The following ITSN1 variants were observed in gnomAD, a reference collection of about 807,000 sequenced individuals.
ITSN1 encodes the protein intersectin 1, also known as intersectin-1.
In ITSN1, 58 loss-of-function variants were observed where a neutral mutation model predicts 239.8. The ratio of observed to expected loss-of-function variants is 0.24; its 90% CI spans 0.20 to 0.30. The LOEUF (loss-of-function observed/expected upper bound fraction) is 0.30, where lower values mean the gene tolerates loss of function less well. Ranked by LOEUF, ITSN1 falls within the 10% of genes least tolerant of loss-of-function variation. ITSN1 has a pLI of 1.00. For missense variants in ITSN1, 1,558 were observed against 2,103.3 expected (o/e 0.74, Z 5.07); for synonymous variants, 780 against 770.8 (o/e 1.01, Z -0.20).
At position 33,823,620 on chromosome 21, in the gene ITSN1, C is replaced by T. The variant is rs768796242; in HGVS notation, c.3150C>T (p.Phe1050=). 3.7e-6 allele frequency: 6 copies of T among 1,614,110 alleles called. No individual in the cohort carries two copies. The East Asian group carries it at 1.3e-4, about 36-fold the overall frequency. ...TGTVGDKAGV[F]PSNYVRLKDS... ...CAGTGGGCGACAAGGCCGGAGTCTT[C>T]CCTTCTAACTATGTGAGGCTTAAAG... The change falls in exon 25 of 40, where the codon TTC becomes TTT. Residue 1050 remains phenylalanine (F), a synonymous_variant. Coordinates refer to ENST00000381318, the MANE Select transcript of ITSN1 (RefSeq NM_003024.3).
rs1231890672 is a variant in ITSN1 at position 33,799,885 on chromosome 21, A to G, written c.2260A>G (p.Arg754Gly). Residue 754 changes from arginine (R) to glycine (G), a missense_variant, in exon 19 of 40, where the codon AGA becomes GGA. By Grantham distance (125) the Arg-to-Gly change is moderately radical. Around this residue, in one of 2 missense-constraint regions of ITSN1, gnomAD observed 982 missense variants for 1,209.9 expected, o/e 0.81. Transcript: ENST00000381318. ...YYRALYPFES[R>G]SHDEITIQPG... ...CCGGGCACTGTACCCCTTTGAATCC[A>G]GAAGCCATGATGAAATCACTATCCA... The G allele has an allele frequency of 2.5e-6, 4 of 1,613,972 alleles. No homozygotes were observed. Among genetic ancestry groups the G allele is most frequent in the African/African-American group, 2.7e-5 (2 of 74,930 alleles).
intron 5 of ITSN1, among the ~76,000 whole-genome samples, chr21:33,746,072 C>G (rs1246634562): frequency 6.6e-6 from 1 of 152,150 alleles, no homozygotes; most frequent in Admixed American, 6.5e-5. Flanking sequence ...TACAAAGATG[C>G]AGGTGCAATC....
intron 16 of ITSN1, among the ~76,000 whole-genome samples, chr21:33,783,511 C>T (rs1287140763): frequency 1.3e-5 from 2 of 152,070 alleles, no homozygotes; most frequent in East Asian, 1.9e-4. Flanking sequence ...TTTGTGTGTA[C>T]ACTATATATG....
chr21:33,643,106 G>A (rs958234237), intron 1 of ITSN1, among the ~76,000 whole-genome samples: 3 of 150,898 alleles, frequency 2.0e-5, no homozygotes, highest in African/African-American at 7.3e-5. Flanking sequence ...CTCGGCCGCC[G>A]GCGAGGGGCG....
At chr21:33,847,330 C>A (rs1569297052) in intron 29 of ITSN1, among the ~76,000 whole-genome samples, 1 of 152,228 alleles carries the variant, frequency 6.6e-6, no homozygotes, top group Non-Finnish European at 1.5e-5. Context: ...CCAGTCCCCA[C>A]CAGCCCTGCG....
chr21:33,838,799 G>A (rs767539158), intron 29 of ITSN1, among the ~76,000 whole-genome samples: 28 of 152,288 alleles, frequency 1.8e-4, no homozygotes, highest in South Asian at 1.5e-3. Context: ...ATAAGTTGTC[G>A]ACACATTGAG....
chr21:33,815,871 C>T lies in ITSN1; in HGVS notation c.2727+1799C>T, dbSNP rs191030846. ...AGTGTAGAAGAGGTTTGGGAGCAGG[C>T]GAATGAGGGATCCGACAAAGAAGAA... On this transcript the variant is annotated intron_variant, in intron 22 of 39. Coordinates refer to ENST00000381318, the MANE Select transcript of ITSN1 (RefSeq NM_003024.3). Among the ~76,000 whole-genome samples the T allele has an allele frequency of 2.5e-3, 309 of 124,346 alleles. 1 individual carries two copies. Among genetic ancestry groups the T allele is most frequent in the Non-Finnish European group, 4.2e-3 (225 of 53,174 alleles). The allele number at this position is 124,346 out of a possible 152,430, so 81.6% of individuals were successfully genotyped here.
chr21:33,728,698 G>C (rs1225458306), intron 4 of ITSN1, among the ~76,000 whole-genome samples: 3 of 152,150 alleles, frequency 2.0e-5, no homozygotes, highest in Non-Finnish European at 4.4e-5. Context: ...TGACCAGCTA[G>C]TGTAAAGTGG....
At chr21:33,826,671 C>A in intron 25 of ITSN1, 147 bp from the exon 26 acceptor site, 1 of 643,866 alleles carries the variant, frequency 1.6e-6, no homozygotes, top group Non-Finnish European at 2.8e-6. Flanking sequence ...GATCTATATC[C>A]TTGTGTCAGG....
At chr21:33,646,810 A>G (rs567073025) in intron 1 of ITSN1, among the ~76,000 whole-genome samples, 1 of 152,318 alleles carries the variant, frequency 6.6e-6, no homozygotes, top group East Asian at 1.9e-4. Flanking sequence ...CTTTTATGAT[A>G]GTAAGTAGAA....
At chr21:33,763,703 G>C (rs1264203063) in intron 9 of ITSN1, among the ~76,000 whole-genome samples, 1 of 152,000 alleles carries the variant, frequency 6.6e-6, no homozygotes, top group East Asian at 1.9e-4. Flanking sequence ...GGCACATAAT[G>C]TCTCTATTGT....
chr21:33,783,065 A>G (rs2070337408), intron 16 of ITSN1, among the ~76,000 whole-genome samples: 1 of 152,132 alleles, frequency 6.6e-6, no homozygotes. Flanking sequence ...CAGAACACAA[A>G]CAGTTTATTT....
intron 6 of ITSN1, among the ~76,000 whole-genome samples, chr21:33,751,479 A>C (rs2067552830): frequency 6.6e-6 from 1 of 152,232 alleles, no homozygotes; most frequent in African/African-American, 2.4e-5. Flanking sequence ...GCAGTGAATA[A>C]AATACCATTT....
At chr21:33,694,563 G>A (rs189465256) in intron 1 of ITSN1, among the ~76,000 whole-genome samples, 3 of 152,184 alleles carry the variant, frequency 2.0e-5, no homozygotes, top group Middle Eastern at 6.8e-3. Flanking sequence ...GCTCACACCT[G>A]TAATCCCAGC....
At chr21:33,672,217 A>T (rs2090330846) in intron 1 of ITSN1, among the ~76,000 whole-genome samples, 1 of 143,678 alleles carries the variant, frequency 7.0e-6, no homozygotes, top group South Asian at 2.2e-4. Flanking sequence ...AACTCTGTCT[A>T]AAAAAAAAAA....
intron 1 of ITSN1, among the ~76,000 whole-genome samples, chr21:33,676,817 C>A (rs1160349741): frequency 6.6e-6 from 1 of 152,010 alleles, no homozygotes; most frequent in Non-Finnish European, 1.5e-5. Flanking sequence ...TGATGGTTTC[C>A]AGCTTCATCC....
chr21:33,726,714 GT>G (rs1376242797), intron 4 of ITSN1, among the ~76,000 whole-genome samples: 1 of 151,986 alleles, frequency 6.6e-6, no homozygotes, highest in Non-Finnish European at 1.5e-5. Flanking sequence ...TAGAGATGGG[GT>G]TTTGTCATGT....
At chr21:33,838,295 G>C (rs2074700704) in intron 29 of ITSN1, 1 of 985,422 alleles carries the variant, frequency 1.0e-6, no homozygotes, top group Middle Eastern at 5.2e-4. Context: ...TCGGGAGGCT[G>C]TGCTGGTGGT....
Position 33,888,421 on chromosome 21 carries a change from C to A in ITSN1, c.*121C>A. 1 of 965,380 alleles carries A rather than the reference C, an allele frequency of 1.0e-6. No homozygotes were observed. Among genetic ancestry groups the A allele is most frequent in the Non-Finnish European group, 1.5e-6 (1 of 665,306 alleles). 59.8% of individuals were successfully genotyped at this position (965,380 alleles called of 1,614,324 possible). ...ATTCAGTCACAGGGATATGGGATGG[C>A]AAAGACAGGCCCCTCAAAGCTCCTA... is the stretch of plus-strand genomic sequence containing the variant. On this transcript the variant is annotated 3_prime_UTR_variant, in exon 40 of 40. Coordinates refer to ENST00000381318, the MANE Select transcript of ITSN1 (RefSeq NM_003024.3).
Sources: allele counts gnomAD v4.1 joint callset (sites outside exome capture counted in the v4.1 genomes callset), GRCh38; gene constraint gnomAD v4.1.1; regional missense constraint gnomAD v4.1.1; transcripts MANE v1.5; gene names NCBI Gene and HGNC (gene_info 2026-07-23, HGNC 2026-07-21).